PCF11: variants seen among roughly 807,000 people sequenced by gnomAD.
PCF11 encodes the protein PCF11 cleavage and polyadenylation factor subunit.
A neutral mutation model predicts 166.1 loss-of-function variants in PCF11; 19 were observed. That is an observed-to-expected ratio of 0.11 (90% CI 0.08 to 0.17). PCF11 has a LOEUF of 0.17. PCF11 is among the 10% of genes least tolerant of loss of function. The probability of loss-of-function intolerance (pLI) is 1.00; values close to 1 mark genes in which losing one functional copy is unlikely to be tolerated. For missense variants in PCF11, 1,565 were observed against 1,855.5 expected, an observed-to-expected ratio of 0.84 and a Z score of 2.88; for synonymous variants, 663 against 644.1, an observed-to-expected ratio of 1.03 and a Z score of -0.44.
chr11:83,162,525 T>C (rs1860297833), intron 2 of PCF11, among the ~76,000 whole-genome samples: 1 of 152,228 alleles, frequency 6.6e-6, no homozygotes, highest in African/African-American at 2.4e-5. Context: ...GCTGTAGTCT[T>C]AAGGAGAAGC....
intron 1 of PCF11, among the ~76,000 whole-genome samples, chr11:83,159,728 G>A: frequency 6.6e-6 from 1 of 152,158 alleles, no homozygotes; most frequent in Admixed American, 6.5e-5. Flanking sequence ...CCGTTATTTG[G>A]TAGCAAACTG....
Position 83,183,098 on chromosome 11 carries a change from T to G in PCF11, c.4452+25T>G, listed in dbSNP as rs1443504320. On this transcript the variant is annotated intron_variant, in intron 15 of 15. Coordinates refer to ENST00000298281, the Ensembl canonical transcript of PCF11. ...TGTAAGTTCTTTTTGGTTACTGTAT[T>G]TGTTCTCATTTGCATTAATAAATTT... The G allele has an allele frequency of 2.3e-6, 3 of 1,310,224 alleles. No individual in the cohort carries two copies. The Admixed American group carries it at 6.9e-5, about 30-fold the overall frequency. 81.2% of individuals were successfully genotyped at this position (1,310,224 alleles called of 1,614,324 possible).
chr11:83,170,027 G>T (rs1447493165), intron 8 of PCF11, 32 bp downstream of exon 8: 1 of 1,509,468 alleles, frequency 6.6e-7, no homozygotes, highest in Non-Finnish European at 8.8e-7. Flanking sequence ...TGCGTTGTAT[G>T]CAGATAAGTT....
chr11:83,181,490 AT>A (rs1206694968), intron 12 of PCF11, among the ~76,000 whole-genome samples: 118 of 149,632 alleles, frequency 7.9e-4, no homozygotes, highest in Non-Finnish European at 1.3e-3. Flanking sequence ...ATATAAACAC[AT>A]TTTTTAAAAA....
intron 1 of PCF11, among the ~76,000 whole-genome samples, chr11:83,160,914 C>T (rs903249887): frequency 6.6e-6 from 1 of 152,198 alleles, no homozygotes; most frequent in African/African-American, 2.4e-5. Context: ...AAATTAGTTT[C>T]TACAAGAGGT....
exon 16 of PCF11, chr11:83,185,582 T>TA (rs1861258855): frequency 1.3e-5 from 2 of 152,246 alleles, no homozygotes; most frequent in Admixed American, 6.6e-5. Context: ...TTAACAAATA[T>TA]ATTTAAGTAC....
At chr11:83,173,719 C>CTTTTTTTTTTTTTTTTTT (rs869126679) in intron 9 of PCF11, among the ~76,000 whole-genome samples, 5 of 59,060 alleles carry the variant, frequency 8.5e-5, no homozygotes, top group African/African-American at 1.4e-4. Flanking sequence ...TTCTTTCTTT[C>CTTTTTTTTTTTTTTTTTT]TTTTTTTTTT....
At chr11:83,172,349 T>C (rs1238854210) in intron 9 of PCF11, among the ~76,000 whole-genome samples, 1 of 152,224 alleles carries the variant, frequency 6.6e-6, no homozygotes, top group Non-Finnish European at 1.5e-5. Flanking sequence ...CCAGGTTCAC[T>C]GATAAGCATC....
intron 10 of PCF11, 124 bp from the exon 11 acceptor site, chr11:83,177,590 G>C (rs538824404): frequency 6.7e-6 from 3 of 449,202 alleles, no homozygotes; most frequent in African/African-American, 6.1e-5. Context: ...CAGTAAACTT[G>C]AGATCAGAAG....
At chr11:83,186,344 T>C (rs1322276447) in exon 16 of PCF11, 1 of 152,240 alleles carries the variant, frequency 6.6e-6, no homozygotes, top group Non-Finnish European at 1.5e-5. Context: ...TACTTTTGTG[T>C]TTTCAAAAAT....
intron 15 of PCF11, 64 bp from the exon 16 acceptor site, chr11:83,184,615 A>G (rs17144746): frequency 0.086 from 95,548 of 1,111,298 alleles, 4,796 homozygotes; most frequent in African/African-American, 0.16. Flanking sequence ...TTACAAGACT[A>G]AATGTTATTT....
intron 9 of PCF11, among the ~76,000 whole-genome samples, chr11:83,174,303 A>G (rs1860800552): frequency 6.6e-6 from 1 of 152,142 alleles, no homozygotes. Flanking sequence ...GACATATATT[A>G]GTCATCTGCT....
At position 83,166,791 on chromosome 11, in the gene PCF11, A is replaced by G; in HGVS notation, c.1817+77A>G. 4 of 1,302,430 alleles carry G rather than the reference A, an allele frequency of 3.1e-6. No homozygotes were observed. The South Asian group carries it at 5.9e-5, about 19-fold the overall frequency. 80.7% of individuals were successfully genotyped at this position (1,302,430 alleles called of 1,614,324 possible). A position where few individuals can be genotyped will look rare whatever the true frequency, so the allele number is the denominator to read the frequency against. On this transcript the variant is annotated intron_variant, in intron 5 of 15. Transcript: ENST00000298281. The stretch of plus-strand genomic sequence containing the variant: ...ATAGTGTTAATTTAAAAATTGGAAA[A>G]TGTTTATTAGGTGCTATTAGTACTT...
At chr11:83,169,041 T>G in exon 8 of PCF11, 1 of 1,613,168 alleles carries the variant, frequency 6.2e-7, no homozygotes, top group Non-Finnish European at 8.5e-7. Context: ...TGGGTGGACT[T>G]AGATTTGATA....
chr11:83,172,089 T>A (rs1860709658), intron 9 of PCF11, among the ~76,000 whole-genome samples, 175 bp downstream of exon 9: 1 of 152,222 alleles, frequency 6.6e-6, no homozygotes, highest in South Asian at 2.1e-4. Context: ...ATTGTGGATG[T>A]GTATTCATAA....
At chr11:83,160,304 A>G (rs1860184078) in intron 1 of PCF11, among the ~76,000 whole-genome samples, 1 of 149,562 alleles carries the variant, frequency 6.7e-6, no homozygotes, top group Non-Finnish European at 1.5e-5. Context: ...TGGGGTGGGT[A>G]AATGGGGATA....
intron 1 of PCF11, among the ~76,000 whole-genome samples, chr11:83,161,047 G>T (rs1770612620): frequency 6.6e-6 from 1 of 152,230 alleles, no homozygotes; most frequent in Middle Eastern, 3.4e-3. Flanking sequence ...TAAAACACAG[G>T]TCTTTTTACC....
intron 2 of PCF11, among the ~76,000 whole-genome samples, chr11:83,162,938 C>T (rs1430660954): frequency 6.6e-6 from 1 of 152,114 alleles, no homozygotes; most frequent in African/African-American, 2.4e-5. Flanking sequence ...TCATGCCTGG[C>T]TAATTTTGTA....
rs553254415 is a variant in PCF11, at chr11:83,159,673, A to T, written c.193-1654A>T. Among the ~76,000 whole-genome samples, 18 of 152,162 alleles carry T rather than the reference A, an allele frequency of 1.2e-4. No homozygotes were observed. The South Asian group carries it at 3.5e-3, about 30-fold the overall frequency. ...AAAGATGTAAAAGTCACTTTGGGGGATCTATCTTAATCTGGGTTGGGATCG... is the reference window on the plus strand; with the variant it reads ...AAAGATGTAAAAGTCACTTTGGGGGTTCTATCTTAATCTGGGTTGGGATCG... On this transcript the variant is annotated intron_variant, in intron 1 of 15. Coordinates refer to ENST00000298281, the Ensembl canonical transcript of PCF11.
Sources: allele counts gnomAD v4.1 joint callset (sites outside exome capture counted in the v4.1 genomes callset), GRCh38; gene constraint gnomAD v4.1.1; transcripts MANE v1.5; gene names NCBI Gene and HGNC (gene_info 2026-07-23, HGNC 2026-07-21).